Variants in MYO7B observed in about 807,000 individuals in gnomAD.
MYO7B encodes unconventional myosin-VIIb.
In MYO7B, 212 loss-of-function variants were observed where a neutral mutation model predicts 259.7. The observed-to-expected ratio is 0.82, with a 90% CI of 0.73 to 0.91. The LOEUF is 0.91. MYO7B is among the 40% of genes least tolerant of loss of function. MYO7B has a pLI of 0.00. For missense variants in MYO7B, 2,732 were observed against 2,813.5 expected, an observed-to-expected ratio of 0.97 and a Z score of 0.66; for synonymous variants, 1,197 against 1,166.4, an observed-to-expected ratio of 1.03 and a Z score of -0.54.
Position 127,586,638 on chromosome 2 carries a change from G to A in MYO7B, c.1690+1725G>A, listed in dbSNP as rs567926849. 6.6e-6 allele frequency among the ~76,000 whole-genome samples: 1 copy of A among 152,310 alleles called. No individual in the cohort carries two copies. Among genetic ancestry groups the A allele is most frequent in the East Asian group, 1.9e-4 (1 of 5,172 alleles). ...AGAAGATACCGAGCCCATCCTCCAT[G>A]GGGCAATTCAAGGCTGAGTTTTATT... On this transcript the variant is annotated intron_variant, in intron 14 of 47. Coordinates refer to ENST00000409816, the MANE Select transcript of MYO7B (RefSeq NM_001393586.1). The surrounding 1 kb of genome is among the most constrained non-coding windows in gnomAD (Gnocchi z 4.8).
chr2:127,629,265 C>T (rs1346084974), intron 34 of MYO7B, among the ~76,000 whole-genome samples: 2 of 152,178 alleles, frequency 1.3e-5, no homozygotes, highest in South Asian at 2.1e-4. Context: ...AGAGGATTGC[C>T]ATCTCCAAAT....
chr2:127,592,466 C>T (rs1679593342), intron 16 of MYO7B, among the ~76,000 whole-genome samples: 1 of 152,140 alleles, frequency 6.6e-6, no homozygotes, highest in Non-Finnish European at 1.5e-5. Context: ...GTGCAGAGGA[C>T]GTTTACATTC....
In MYO7B at chr2:127,584,249, G is replaced by A. The variant is rs200427535; in HGVS notation, c.1471G>A (p.Asp491Asn). The change falls in exon 13 of 48, where the codon GAC (aspartate) becomes AAC (asparagine). Residue 491 changes from aspartate (D) to asparagine (N), a missense_variant. By Grantham distance (23) the Asp-to-Asn change is conservative. Transcript: ENST00000409816. This position sits in a 1 kb window ranked among gnomAD's most constrained non-coding sequence, Gnocchi z 5.8. ...CTCCTGGGACTATATCCACTACACC[G>A]ACAATCGGCCCACCCTGGACCTGCT... ...NISWDYIHYT[D>N]NRPTLDLLAL... is the part of the protein sequence containing the mutation. The A allele has an allele frequency of 2.9e-5, 46 of 1,613,992 alleles. No individual in the cohort carries two copies. The East Asian group carries it at 4.7e-4, about 16-fold the overall frequency.
At position 127,597,745 on chromosome 2, in the gene MYO7B, C is replaced by A. The variant is rs1384117412; in HGVS notation, c.2339+1189C>A. Among the ~76,000 whole-genome samples the A allele has an allele frequency of 1.3e-5, 2 of 152,038 alleles. No individual in the cohort carries two copies. The highest frequency in any genetic ancestry group is 2.4e-5 in the African/African-American group (1 of 41,364). ...TGCTTTCCGGGCTCAAGCTATCCTC[C>A]CACCTCAGCCTCCAAAGTAGCTGGT... On this transcript the variant is annotated intron_variant, in intron 19 of 47. Transcript: ENST00000409816. This position sits in a 1 kb window ranked among gnomAD's most constrained non-coding sequence, Gnocchi z 4.8.
rs561138685 is a variant in MYO7B at position 127,576,150 on chromosome 2, G to A, written c.736-445G>A. 6.6e-6 allele frequency among the ~76,000 whole-genome samples: 1 copy of A among 151,974 alleles called. No homozygotes were observed. Among genetic ancestry groups the A allele is most frequent in the East Asian group, 1.9e-4 (1 of 5,156 alleles). ...GGACTTCGAGGCTACAGTGGGCTGAGATTGCACCACTGCACTCTAGCTTGG... is the reference window on the plus strand; with the variant it reads ...GGACTTCGAGGCTACAGTGGGCTGAAATTGCACCACTGCACTCTAGCTTGG... On this transcript the variant is annotated intron_variant, in intron 7 of 47. Transcript: ENST00000409816. This position sits in a 1 kb window ranked among gnomAD's most constrained non-coding sequence, Gnocchi z 4.9.
At chr2:127,604,544 C>T (rs770710117) in intron 19 of MYO7B, among the ~76,000 whole-genome samples, 1 of 152,216 alleles carries the variant, frequency 6.6e-6, no homozygotes. Flanking sequence ...CGTTCGTATT[C>T]ACAACGTGGC....
Position 127,539,254 on chromosome 2 carries a change from T to C in MYO7B, c.-24+3423T>C, listed in dbSNP as rs1365619542. Among the ~76,000 whole-genome samples, 1 of 152,136 alleles carries C rather than the reference T, an allele frequency of 6.6e-6. No homozygotes were observed. Among genetic ancestry groups the C allele is most frequent in the African/African-American group, 2.4e-5 (1 of 41,424 alleles). ...AAATAAAATAAGCTGGGACGTAGGA[T>C]AAATGAAGGTAGGAAAATACACTGC... On this transcript the variant is annotated intron_variant, in intron 1 of 47. Transcript: ENST00000409816. The surrounding 1 kb of genome is among the most constrained non-coding windows in gnomAD (Gnocchi z 4.0).
rs769726522 is a variant in MYO7B, at chr2:127,632,353, G to T, written c.5357G>T (p.Gly1786Val). The change falls in exon 39 of 48, where the codon GGG (glycine) becomes GTG (valine). Residue 1786 changes from glycine to valine, a missense_variant. By Grantham distance (109) the Gly-to-Val change is moderately radical. Transcript: ENST00000409816. ...CAGAAGTTTATAGACACTCGGAGGG[G>T]GAAGCTGCTGGCCCCCGACTGCAGC... ...HAQKFIDTRR[G>V]KLLAPDCSRR... The T allele has an allele frequency of 6.3e-7, 1 of 1,597,600 alleles. No individual in the cohort carries two copies. The highest frequency in any genetic ancestry group is 1.1e-5 in the South Asian group (1 of 89,408).
intron 47 of MYO7B, 128 bp downstream of exon 47, chr2:127,637,041 C>G: frequency 6.8e-7 from 1 of 1,470,574 alleles, no homozygotes; most frequent in Non-Finnish European, 9.2e-7. Flanking sequence ...GCGGGGCCAG[C>G]AGATCTGGAG....
rs1363380894 is a variant in MYO7B, at chr2:127,588,555, G to A, written c.1854G>A (p.Lys618=). 6.2e-7 allele frequency: 1 copy of A among 1,612,866 alleles called. No individual in the cohort carries two copies. Among genetic ancestry groups the A allele is most frequent in the Non-Finnish European group, 8.5e-7 (1 of 1,179,824 alleles). Reference sequence around the variant, plus strand: ...CAAAGGCAGGAAACCATCTCTTCAAGGTGGGCTCCCAGGCACCCTCCTGGG... The same window carrying A: ...CAAAGGCAGGAAACCATCTCTTCAAAGTGGGCTCCCAGGCACCCTCCTGGG... ...RQAKAGNHLF[K]SADSNKRPST... is the part of the protein sequence containing the mutation. Residue 618 remains lysine, a splice_region_variant and synonymous_variant, in exon 15 of 48, where the codon AAG becomes AAA. Transcript: ENST00000409816.
At chr2:127,537,890 G>T (rs1484321397) in intron 1 of MYO7B, among the ~76,000 whole-genome samples, 1 of 152,198 alleles carries the variant, frequency 6.6e-6, no homozygotes, top group African/African-American at 2.4e-5. Flanking sequence ...GTAGCTAGCG[G>T]CAGAAGACGA....
Position 127,565,307 on chromosome 2 carries a change from C to T in MYO7B, c.207C>T (p.Asp69=). 6.2e-7 allele frequency: 1 copy of T among 1,614,048 alleles called. No individual in the cohort carries two copies. Among genetic ancestry groups the T allele is most frequent in the Non-Finnish European group, 8.5e-7 (1 of 1,179,888 alleles). ...MHPNSVQGVD[D]MIRLGDLNEA... ...CCAACTCAGTCCAGGGTGTGGACGA[C>T]ATGATCCGCCTGGGGGACCTGAACG... The change falls in exon 4 of 48, where the codon GAC becomes GAT. Residue 69 remains aspartate, a synonymous_variant. Transcript: ENST00000409816.
chr2:127,634,664 G>T lies in MYO7B; in HGVS notation c.5694G>T (p.Lys1898Asn). The T allele has an allele frequency of 6.2e-7, 1 of 1,612,548 alleles. No individual in the cohort carries two copies. The highest frequency in any genetic ancestry group is 1.3e-5 in the African/African-American group (1 of 75,032). The change falls in exon 42 of 48, where the codon AAG becomes AAT. Residue 1898 changes from lysine (K) to asparagine (N), a missense_variant. Lys to Asn is a moderately conservative substitution (Grantham distance 94). Transcript: ENST00000409816. ...GGGAGGTGTCTGACTGGGTGAAGAA[G>T]AACAAGCCCCAGAAAGAAGGTGAGG... is the stretch of plus-strand genomic sequence containing the variant. ...SLREVSDWVK[K>N]NKPQKEGAPV...
At chr2:127,575,142 C>G (rs1399919188) in intron 7 of MYO7B, among the ~76,000 whole-genome samples, 1 of 152,162 alleles carries the variant, frequency 6.6e-6, no homozygotes, top group African/African-American at 2.4e-5. Flanking sequence ...ATTTAGTGAC[C>G]CTCCGACCTG....
chr2:127,636,428 C>G lies in MYO7B; in HGVS notation c.6123+104C>G. 1 of 1,436,384 alleles carries G rather than the reference C, an allele frequency of 7.0e-7. No individual in the cohort carries two copies. Among genetic ancestry groups the G allele is most frequent in the Non-Finnish European group, 9.7e-7 (1 of 1,030,958 alleles). 89.0% of individuals were successfully genotyped at this position (1,436,384 alleles called of 1,614,324 possible). On this transcript the variant is annotated intron_variant, in intron 45 of 47. Coordinates refer to ENST00000409816, the MANE Select transcript of MYO7B (RefSeq NM_001393586.1). This position sits in a 1 kb window ranked among gnomAD's most constrained non-coding sequence, Gnocchi z 4.5. ...AGCACACATCTTGGGTGGGGCTGGCCGTGAGGCTGGAGGGCGTGGGTGTAT... is the reference window on the plus strand; with the variant it reads ...AGCACACATCTTGGGTGGGGCTGGCGGTGAGGCTGGAGGGCGTGGGTGTAT...
At chr2:127,541,606 A>T (rs1302728397) in intron 1 of MYO7B, among the ~76,000 whole-genome samples, 2 of 152,194 alleles carry the variant, frequency 1.3e-5, no homozygotes, top group African/African-American at 4.8e-5. Flanking sequence ...CCTACACGGG[A>T]GCCATATGGC....
chr2:127,558,737 C>T (rs1677932304), intron 1 of MYO7B, among the ~76,000 whole-genome samples: 1 of 152,138 alleles, frequency 6.6e-6, no homozygotes, highest in South Asian at 2.1e-4. Flanking sequence ...TAATGGCTTT[C>T]ACAGCAACCT....
Position 127,636,424 on chromosome 2 carries a change from T to C in MYO7B, c.6123+100T>C. 6.9e-7 allele frequency: 1 copy of C among 1,440,028 alleles called. No individual in the cohort carries two copies. The highest frequency in any genetic ancestry group is 9.7e-7 in the Non-Finnish European group (1 of 1,033,248). 89.2% of individuals were successfully genotyped at this position (1,440,028 alleles called of 1,614,324 possible). ...AACCAGCACACATCTTGGGTGGGGC[T>C]GGCCGTGAGGCTGGAGGGCGTGGGT... On this transcript the variant is annotated intron_variant, in intron 45 of 47. Transcript: ENST00000409816. The surrounding 1 kb of genome is among the most constrained non-coding windows in gnomAD (Gnocchi z 4.5).
In MYO7B at chr2:127,622,091, T is replaced by C; in HGVS notation, c.3635T>C (p.Leu1212Pro). ...GTGCGTGCGGAGCCCCCCACCTGGC[T>C]GGAGCTGCAGGTAGGGGCTGGCAGG... is the stretch of plus-strand genomic sequence containing the variant. ...NGVRAEPPTW[L>P]ELQAVKSKKH... The change falls in exon 28 of 48, where the codon CTG (leucine) becomes CCG (proline). Residue 1212 changes from leucine (L) to proline (P), a missense_variant. By Grantham distance (98) the Leu-to-Pro change is moderately conservative. Transcript: ENST00000409816. 1.3e-6 allele frequency: 2 copies of C among 1,549,444 alleles called. No individual in the cohort carries two copies. Among genetic ancestry groups the C allele is most frequent in the Non-Finnish European group, 1.7e-6 (2 of 1,145,380 alleles).
Sources: gnomAD v4.1 joint callset for allele counts (sites outside exome capture counted in the v4.1 genomes callset) on GRCh38, gnomAD v4.1.1 for gene constraint, Gnocchi (gnomAD v3.1) non-coding constraint, MANE v1.5 for transcripts, NCBI Gene and HGNC (gene_info 2026-07-23, HGNC 2026-07-21) for gene names.